Variants in MICAL2 observed in about 807,000 individuals in gnomAD.
MICAL2 encodes [F-actin]-monooxygenase MICAL2.
MICAL2 carries 77 observed loss-of-function variants against 127.3 expected under a neutral mutation model. The observed-to-expected ratio is 0.60, with a 90% confidence interval of 0.50 to 0.73. MICAL2 has a LOEUF of 0.73. MICAL2 is among the 30% of genes least tolerant of loss of function. The pLI is 0.00. For synonymous variants in MICAL2, 570 were observed against 551.1 expected (o/e 1.03, Z -0.48); for missense variants, 1,351 against 1,434.4 (o/e 0.94, Z 0.94).
chr11:12,190,384 TG>T (rs1404743022), intron 3 of MICAL2, among the ~76,000 whole-genome samples: 4 of 152,188 alleles, frequency 2.6e-5, no homozygotes, highest in African/African-American at 9.6e-5. Flanking sequence ...AAGGTGCAGT[TG>T]ACTAAATGGC....
downstream of MICAL2, among the ~76,000 whole-genome samples, chr11:12,287,660 CCTG>C (rs1466985533): frequency 1.3e-5 from 2 of 152,306 alleles, no homozygotes; most frequent in Middle Eastern, 3.4e-3. Context: ...CACATACACA[CCTG>C]CTCCTTTTTC....
chr11:12,307,217 G>C (rs1864122213), intron 29 of MICAL2, among the ~76,000 whole-genome samples: 1 of 152,130 alleles, frequency 6.6e-6, no homozygotes, highest in South Asian at 2.1e-4. Flanking sequence ...TTCTTTTAAT[G>C]TATGAATTTT....
chr11:12,344,790 C>T (rs1160187679), intron 32 of MICAL2, among the ~76,000 whole-genome samples: 2 of 150,014 alleles, frequency 1.3e-5, no homozygotes, highest in Non-Finnish European at 3.0e-5. Context: ...CGTGAGCCAC[C>T]GCGCCCGGCC....
chr11:12,335,837 T>C (rs1938744938), intron 32 of MICAL2, among the ~76,000 whole-genome samples: 1 of 152,254 alleles, frequency 6.6e-6, no homozygotes, highest in South Asian at 2.1e-4. Context: ...ACCAGTACCA[T>C]GCTGTTTTGG....
At chr11:12,292,178 C>T (rs770345467), downstream of MICAL2, 2 of 1,614,134 alleles carry the variant, frequency 1.2e-6, no homozygotes, top group Non-Finnish European at 1.7e-6. Context: ...TATGTCACCT[C>T]CTAAGGACCC....
chr11:12,221,880 T>G, intron 10 of MICAL2, 121 bp downstream of exon 10: 1 of 669,022 alleles, frequency 1.5e-6, no homozygotes, highest in South Asian at 2.0e-5. Context: ...CCATTCTACC[T>G]TCCCATGTGT....
intron 15 of MICAL2, among the ~76,000 whole-genome samples, chr11:12,235,019 C>A (rs983564590): frequency 3.9e-5 from 6 of 152,134 alleles, no homozygotes; most frequent in African/African-American, 1.4e-4. Flanking sequence ...TGGCTCCCTG[C>A]AGAAGCGATC....
At chr11:12,195,422 G>C (rs559781333) in intron 3 of MICAL2, among the ~76,000 whole-genome samples, 28 of 152,260 alleles carry the variant, frequency 1.8e-4, no homozygotes, top group African/African-American at 6.7e-4. Flanking sequence ...AGACGGATGT[G>C]AATAGATACA....
chr11:12,350,048 A>G (rs7951657), intron 33 of MICAL2: 197,897 of 734,274 alleles, frequency 0.27, 29,522 homozygotes, highest in East Asian at 0.51. Flanking sequence ...TGCATACAGA[A>G]TAGTGATTGA....
chr11:12,184,037 C>A (rs1392735145), intron 3 of MICAL2, among the ~76,000 whole-genome samples: 3 of 152,208 alleles, frequency 2.0e-5, no homozygotes, highest in Non-Finnish European at 4.4e-5. Flanking sequence ...GCCTTGGTTT[C>A]CCAAAGTGCT....
chr11:12,256,120 G>T, intron 23 of MICAL2: 1 of 186,386 alleles, frequency 5.4e-6, no homozygotes, highest in Non-Finnish European at 1.1e-5. Flanking sequence ...AAGGTCATGG[G>T]GAAAATAGCC....
At chr11:12,236,358 C>G in intron 16 of MICAL2, 113 bp downstream of exon 16, 1 of 919,724 alleles carries the variant, frequency 1.1e-6, no homozygotes, top group South Asian at 1.4e-5. Flanking sequence ...TCTCATGAAC[C>G]ACTGGGTTCC....
intron 3 of MICAL2, 114 bp downstream of exon 3, chr11:12,162,533 G>A: frequency 4.6e-6 from 6 of 1,293,902 alleles, no homozygotes; most frequent in Non-Finnish European, 6.3e-6. Context: ...GGGTGTGAAT[G>A]TTGCATTGTT....
chr11:12,282,170 T>C (rs749948254), intron 2 of MICAL2, among the ~76,000 whole-genome samples: 1 of 152,220 alleles, frequency 6.6e-6, no homozygotes, highest in Non-Finnish European at 1.5e-5. Context: ...ACTCTAGAAA[T>C]GTTGAATTTT....
rs192299992 is a variant in MICAL2 at position 12,244,287 on chromosome 11, G to A, written c.2784+175G>A. On this transcript the variant is annotated intron_variant, in intron 21 of 27. Coordinates refer to ENST00000683283, the MANE Select transcript of MICAL2 (RefSeq NM_001282663.2). The stretch of plus-strand genomic sequence containing the variant: ...TTTTTGTGTTAGAGCACACAACACG[G>A]CAGAACAGGCAGTGTACAAAAGCTT... Among the ~76,000 whole-genome samples, 10 of 152,310 alleles carry A rather than the reference G, an allele frequency of 6.6e-5. No individual in the cohort carries two copies. In the East Asian group the frequency reaches 1.4e-3, roughly 21 times the overall value.
rs566486354 is a variant in MICAL2 at position 12,206,974 on chromosome 11, C to T, written c.473-1049C>T. ...AAGGTATTTATTCTAGAAAGAAGGGCGTAGACTTGGTCCATGCTTTCCATT... is the reference window on the plus strand; with the variant it reads ...AAGGTATTTATTCTAGAAAGAAGGGTGTAGACTTGGTCCATGCTTTCCATT... On this transcript the variant is annotated intron_variant, in intron 4 of 27. Coordinates refer to ENST00000683283, the MANE Select transcript of MICAL2 (RefSeq NM_001282663.2). Among the ~76,000 whole-genome samples the T allele has an allele frequency of 1.6e-3, 245 of 152,190 alleles. 1 individual carries two copies. Among genetic ancestry groups the T allele is most frequent in the Non-Finnish European group, 2.1e-3 (144 of 68,014 alleles).
downstream of MICAL2, among the ~76,000 whole-genome samples, chr11:12,295,953 TATTTGCATACCACCA>T (rs1201400990): frequency 1.3e-5 from 2 of 152,200 alleles, no homozygotes; most frequent in African/African-American, 2.4e-5. Context: ...CACTTACGCA[TATTTGCATACCACCA>T]ATGAAAATGT....
intron 1 of MICAL2, among the ~76,000 whole-genome samples, chr11:12,135,424 A>G (rs1166789036): frequency 6.6e-6 from 1 of 152,110 alleles, no homozygotes; most frequent in Non-Finnish European, 1.5e-5. Context: ...GAACCCAAGC[A>G]GAGGGCTCCA....
chr11:12,284,535 T>C (rs1049456200), intron 2 of MICAL2, among the ~76,000 whole-genome samples: 1 of 152,134 alleles, frequency 6.6e-6, no homozygotes, highest in Non-Finnish European at 1.5e-5. Flanking sequence ...ATGGAAAATC[T>C]CTCTTGAACT....
Sources: allele counts gnomAD v4.1 joint callset (sites outside exome capture counted in the v4.1 genomes callset), GRCh38; gene constraint gnomAD v4.1.1; transcripts MANE v1.5; gene names NCBI Gene and HGNC (gene_info 2026-07-23, HGNC 2026-07-21).